Variants in ATXN3 observed in about 807,000 individuals in gnomAD.
ATXN3 encodes ataxin 3.
In ATXN3, 28 loss-of-function variants were observed where a neutral mutation model predicts 58.2. The observed-to-expected ratio is 0.48, with a 90% CI of 0.36 to 0.66. The LOEUF is 0.66. Among genes scored for constraint, ATXN3 ranks in the 30% least tolerant of loss-of-function variants. The probability of loss-of-function intolerance (pLI) is 0.00; values close to 1 mark genes in which losing one functional copy is unlikely to be tolerated. For missense variants in ATXN3, 321 were observed against 422.1 expected (o/e 0.76, Z 2.10); for synonymous variants, 113 against 138.5 (o/e 0.82, Z 1.29).
intron 10 of ATXN3, among the ~76,000 whole-genome samples, chr14:92,069,371 C>A (rs1437117545): frequency 3.2e-5 from 3 of 92,570 alleles, no homozygotes; most frequent in Non-Finnish European, 5.9e-5. Flanking sequence ...GTGTCCAGCC[C>A]TTTTTTTTTT....
chr14:92,101,392 C>T (rs1057040817), intron 1 of ATXN3, among the ~76,000 whole-genome samples: 2 of 152,074 alleles, frequency 1.3e-5, no homozygotes, highest in African/African-American at 4.8e-5. Context: ...AGTCATAGGA[C>T]GGATCAAATT....
intron 9 of ATXN3, among the ~76,000 whole-genome samples, chr14:92,078,220 G>A (rs1353986334): frequency 6.6e-6 from 1 of 152,002 alleles, no homozygotes; most frequent in Non-Finnish European, 1.5e-5. Flanking sequence ...CTGACCTCAG[G>A]TGATCCGCCC....
chr14:92,072,194 G>A (rs1236834876), intron 9 of ATXN3, among the ~76,000 whole-genome samples: 1 of 152,178 alleles, frequency 6.6e-6, no homozygotes, highest in African/African-American at 2.4e-5. Context: ...CGGTTATCAT[G>A]TAAATATGTA....
intron 6 of ATXN3, 60 bp downstream of exon 6, chr14:92,088,670 G>A (rs1192745851): frequency 1.7e-6 from 2 of 1,187,536 alleles, no homozygotes; most frequent in Non-Finnish European, 2.5e-6. Context: ...GTCATCTAAT[G>A]TGCCTGGTTA....
chr14:92,100,551 C>T (rs2066535692), intron 1 of ATXN3, among the ~76,000 whole-genome samples: 1 of 151,442 alleles, frequency 6.6e-6, no homozygotes, highest in Non-Finnish European at 1.5e-5. Flanking sequence ...CAATAATTAA[C>T]AGTAGTTAAT....
Position 92,095,960 on chromosome 14 carries a change from T to C in ATXN3, c.234+133A>G. ...CTGTCTCAAGAAAAAAAAAATCTAGTACTCTAGAGTATAATCTATACTCTG... is the reference window on the plus strand; with the variant it reads ...CTGTCTCAAGAAAAAAAAAATCTAGCACTCTAGAGTATAATCTATACTCTG... On this transcript the variant is annotated intron_variant, in intron 3 of 10. Coordinates refer to ENST00000644486, the MANE Select transcript of ATXN3 (RefSeq NM_004993.6). 4.1e-6 allele frequency: 3 copies of C among 736,502 alleles called. No homozygotes were observed. In the South Asian group the frequency reaches 5.1e-5, roughly 13 times the overall value. The allele number at this position is 736,502 out of a possible 1,614,324, so 45.6% of individuals were successfully genotyped here.
intron 10 of ATXN3, among the ~76,000 whole-genome samples, chr14:92,069,638 C>G (rs1439864074): frequency 6.6e-6 from 1 of 152,220 alleles, no homozygotes; most frequent in Non-Finnish European, 1.5e-5. Context: ...TCCCAAAGTG[C>G]TGGGATTATA....
At chr14:92,092,095 C>G (rs2063964693) in intron 5 of ATXN3, among the ~76,000 whole-genome samples, 1 of 140,298 alleles carries the variant, frequency 7.1e-6, no homozygotes, top group Admixed American at 6.8e-5. Context: ...CCGTGCCTCT[C>G]TGTAACCCTC....
intron 10 of ATXN3, 23 bp downstream of exon 10, chr14:92,070,912 G>A: frequency 6.2e-7 from 1 of 1,612,932 alleles, no homozygotes; most frequent in Non-Finnish European, 8.5e-7. Context: ...TAGCGAACAT[G>A]ATGAATGGTG....
chr14:92,051,078 T>C (rs2057446268), upstream of ATXN3, among the ~76,000 whole-genome samples: 1 of 152,222 alleles, frequency 6.6e-6, no homozygotes, highest in Non-Finnish European at 1.5e-5. Flanking sequence ...CATTACCAAC[T>C]TATTGAAAAA....
Position 92,062,009 on chromosome 14 carries a change from A to C in ATXN3, c.*2311T>G, listed in dbSNP as rs2057810220. 6.6e-6 allele frequency: 1 copy of C among 152,350 alleles called. No individual in the cohort carries two copies. The highest frequency in any genetic ancestry group is 1.5e-5 in the Non-Finnish European group (1 of 68,156). The allele number at this position is 152,350 out of a possible 1,614,324, so 9.4% of individuals were successfully genotyped here. On this transcript the variant is annotated 3_prime_UTR_variant, in exon 11 of 11. Coordinates refer to ENST00000644486, the MANE Select transcript of ATXN3 (RefSeq NM_004993.6). Reference sequence around the variant, plus strand: ...AGTGGCTCATGCCTGTAATCCCAACACTTTGGGAGGCCAAGGCAGGCGGAT... The same window carrying C: ...AGTGGCTCATGCCTGTAATCCCAACCCTTTGGGAGGCCAAGGCAGGCGGAT...
In ATXN3 at chr14:92,096,707, T is replaced by C. The variant is rs565014021; in HGVS notation, c.156A>G (p.Gly52=). The change falls in exon 2 of 11, where the codon GGA becomes GGG. Residue 52 remains glycine (G), a synonymous_variant. Coordinates refer to ENST00000644486, the MANE Select transcript of ATXN3 (RefSeq NM_004993.6). ...ACGTGCGATAATCTTCACTAGTAAC[T>C]CCTCCTTCTGCCATTCTCATCCTCT... ...EEERMRMAEG[G]VTSEDYRTFL... is the part of the protein sequence containing the mutation. 7.4e-6 allele frequency: 12 copies of C among 1,613,074 alleles called. 1 individual carries two copies. The South Asian group carries it at 1.3e-4, about 18-fold the overall frequency.
rs368012807 is a variant in ATXN3 at position 92,104,307 on chromosome 14, A to AT, written c.24+2221dup. Among the ~76,000 whole-genome samples the AT allele has an allele frequency of 4.8e-3, 731 of 152,048 alleles. 17 individuals carry two copies. Among genetic ancestry groups the AT allele is most frequent in the South Asian group, 0.045 (214 of 4,806 alleles). On this transcript the variant is annotated intron_variant, in intron 1 of 10. Transcript: ENST00000644486. The stretch of plus-strand genomic sequence containing the variant: ...AGGCGCCTGCCACCACACCTGGCTA[A>AT]TTTTTTGTATTTTTAGTAGAGACGG...
intron 9 of ATXN3, 161 bp from the exon 10 acceptor site, chr14:92,071,214 T>A: frequency 8.8e-7 from 1 of 1,131,282 alleles, no homozygotes; most frequent in Non-Finnish European, 1.3e-6. Flanking sequence ...CAGATTACTT[T>A]AAAATATGGA....
intron 1 of ATXN3, among the ~76,000 whole-genome samples, chr14:92,098,514 G>A (rs1252520797): frequency 6.6e-6 from 1 of 152,082 alleles, no homozygotes; most frequent in African/African-American, 2.4e-5. Context: ...TTGAACCCAG[G>A]AAGTAGAGCC....
chr14:92,075,156 G>GTTTTTTTTTTTTTTTTTTTTTTTTT (rs376552690), intron 9 of ATXN3, among the ~76,000 whole-genome samples: 1 of 111,356 alleles, frequency 9.0e-6, no homozygotes, highest in African/African-American at 3.4e-5. Context: ...GTAATAGGGA[G>GTTTTTTTTTTTTTTTTTTTTTTTTT]TTTTTTTTTT....
At chr14:92,053,970 C>T (rs1256624844), downstream of ATXN3, among the ~76,000 whole-genome samples, 1 of 151,896 alleles carries the variant, frequency 6.6e-6, no homozygotes, top group African/African-American at 2.4e-5. Context: ...GAGTCTTGCT[C>T]TGTCATCCAG....
intron 10 of ATXN3, chr14:92,070,630 A>C (rs2059254400): frequency 2.7e-6 from 2 of 743,352 alleles, no homozygotes; most frequent in Admixed American, 3.2e-5. Flanking sequence ...GACTGTACAA[A>C]TTACTGTGAA....
rs1422919284 is a variant in ATXN3 at position 92,093,287 on chromosome 14, C to T, written c.352G>A (p.Glu118Lys). The change falls in exon 5 of 11, where the codon GAA (glutamate) becomes AAA (lysine). Residue 118 changes from glutamate to lysine, a missense_variant. Glu to Lys is a moderately conservative substitution (Grantham distance 56, BLOSUM62 1). This residue lies in a region of ATXN3 where 121 missense variants were observed against 198.9 expected (regional missense o/e 0.61). Coordinates refer to ENST00000644486, the MANE Select transcript of ATXN3 (RefSeq NM_004993.6). ...AATTTTCTAACTGTAAACCAGTGTT[C>T]CTTATAATTGCATATAAATGATCTT... The part of the protein sequence containing the change: ...NERSFICNYK[E>K]HWFTVRKLGK... 6.8e-7 allele frequency: 1 copy of T among 1,474,392 alleles called. No individual in the cohort carries two copies. The highest frequency in any genetic ancestry group is 9.4e-7 in the Non-Finnish European group (1 of 1,064,868). 91.3% of individuals were successfully genotyped at this position (1,474,392 alleles called of 1,614,324 possible).
Sources: gnomAD v4.1 joint callset for allele counts (sites outside exome capture counted in the v4.1 genomes callset) on GRCh38, gnomAD v4.1.1 for gene constraint, gnomAD v4.1.1 regional missense constraint, MANE v1.5 for transcripts, NCBI Gene and HGNC (gene_info 2026-07-23, HGNC 2026-07-21) for gene names.